Variants in DCC observed in about 807,000 individuals in gnomAD.
DCC encodes DCC netrin 1 receptor, also known as netrin receptor DCC.
In DCC, 58 loss-of-function variants were observed where a neutral mutation model predicts 172.5. The ratio of observed to expected loss-of-function variants is 0.34; its 90% CI spans 0.27 to 0.42. DCC has a LOEUF of 0.42. Ranked by LOEUF, DCC falls within the 10% of genes least tolerant of loss-of-function variation. DCC has a pLI of 1.00. For missense variants in DCC, 1,740 were observed against 1,791.0 expected (o/e 0.97, Z 0.51); for synonymous variants, 709 against 644.5 (o/e 1.10, Z -1.52).
chr18:52,353,322 A>T (rs1295893850), intron 1 of DCC, among the ~76,000 whole-genome samples: 1 of 152,060 alleles, frequency 6.6e-6, no homozygotes, highest in Non-Finnish European at 1.5e-5. Context: ...GCTGGTTTTC[A>T]TTCCATAGTT....
intron 1 of DCC, among the ~76,000 whole-genome samples, chr18:52,690,678 C>A (rs1466590221): frequency 6.6e-6 from 1 of 151,984 alleles, no homozygotes; most frequent in Non-Finnish European, 1.5e-5. Flanking sequence ...TTCAGAGAGA[C>A]CAAGTGGCGT....
rs58419994 is a variant in DCC at position 53,193,682 on chromosome 18, T to C, written c.1574-11534T>C. On this transcript the variant is annotated intron_variant, in intron 9 of 28. Coordinates refer to ENST00000442544, the MANE Select transcript of DCC (RefSeq NM_005215.4). ...CTTGGGCATCAAAGCATCCCGGAAC[T>C]CTGACTTCCGTGAAACCTACGTGTT... Among the ~76,000 whole-genome samples, 252 of 152,214 alleles carry C rather than the reference T, an allele frequency of 1.7e-3. 2 individuals are homozygous for C. Among genetic ancestry groups the C allele is most frequent in the African/African-American group, 6.0e-3 (248 of 41,536 alleles).
intron 21 of DCC, among the ~76,000 whole-genome samples, chr18:53,420,422 A>G (rs1910579505): frequency 1.3e-5 from 2 of 152,142 alleles, no homozygotes. Flanking sequence ...GGAAACAGGG[A>G]TGGTGATAAT....
chr18:52,883,448 C>T (rs1276074945), intron 2 of DCC, among the ~76,000 whole-genome samples: 2 of 139,846 alleles, frequency 1.4e-5, no homozygotes, highest in African/African-American at 5.5e-5. Context: ...GATATATTTT[C>T]TTTCTTTTTA....
chr18:53,173,250 C>G (rs1336603087), intron 8 of DCC, among the ~76,000 whole-genome samples: 1 of 152,080 alleles, frequency 6.6e-6, no homozygotes, highest in African/African-American at 2.4e-5. Flanking sequence ...GAATCTCATC[C>G]AGACCCCTAC....
At chr18:52,604,153 C>T (rs997489) in intron 1 of DCC, among the ~76,000 whole-genome samples, 3,020 of 152,094 alleles carry the variant, frequency 0.02, 102 homozygotes, top group East Asian at 0.09. Flanking sequence ...CTTTATGTAA[C>T]TCTGCTGTTC....
chr18:52,725,390 G>T (rs1490695374), intron 1 of DCC, among the ~76,000 whole-genome samples: 1 of 152,220 alleles, frequency 6.6e-6, no homozygotes. Flanking sequence ...TCAAGTTCTT[G>T]CAAGAATGTC....
chr18:53,288,180 C>G (rs965464757), intron 12 of DCC, among the ~76,000 whole-genome samples: 1 of 152,096 alleles, frequency 6.6e-6, no homozygotes, highest in African/African-American at 2.4e-5. Context: ...TTCAAGGTCT[C>G]TTTTTGACAA....
rs529029995 is a variant in DCC at position 52,768,258 on chromosome 18, T to G, written c.412+15884T>G. On this transcript the variant is annotated intron_variant, in intron 2 of 28. Coordinates refer to ENST00000442544, the MANE Select transcript of DCC (RefSeq NM_005215.4). ...TCTTACCTGGGGAACATGTGTTTCA[T>G]ATGTTTTAAAAATTACGAGTTTATC... Among the ~76,000 whole-genome samples the G allele has an allele frequency of 1.7e-4, 26 of 152,344 alleles. 1 individual carries two copies. In the South Asian group the frequency reaches 5.4e-3, roughly 32 times the overall value.
At chr18:52,635,601 A>G (rs2034760962) in intron 1 of DCC, among the ~76,000 whole-genome samples, 1 of 152,194 alleles carries the variant, frequency 6.6e-6, no homozygotes, top group South Asian at 2.1e-4. Flanking sequence ...TGGCTATTAC[A>G]CTTATAAATT....
At chr18:52,711,900 A>G (rs2036297942) in intron 1 of DCC, among the ~76,000 whole-genome samples, 1 of 152,030 alleles carries the variant, frequency 6.6e-6, no homozygotes, top group African/African-American at 2.4e-5. Flanking sequence ...ACCACTTTCT[A>G]TGTGTACATT....
intron 1 of DCC, among the ~76,000 whole-genome samples, chr18:52,403,734 A>G (rs1445869657): frequency 6.6e-6 from 1 of 152,004 alleles, no homozygotes; most frequent in Non-Finnish European, 1.5e-5. Context: ...TGTTCAAAGC[A>G]TAACCCTTCC....
intron 1 of DCC, among the ~76,000 whole-genome samples, chr18:52,701,372 G>T (rs538342906): frequency 5.3e-5 from 8 of 152,240 alleles, no homozygotes; most frequent in Non-Finnish European, 1.0e-4. Context: ...TTCTTTTCCT[G>T]TAAGCTCAAT....
intron 20 of DCC, among the ~76,000 whole-genome samples, chr18:53,411,615 G>C (rs952588098): frequency 6.6e-6 from 1 of 152,230 alleles, no homozygotes; most frequent in South Asian, 2.1e-4. Flanking sequence ...TCTAGGAAAG[G>C]TACCCTAGTA....
At chr18:52,938,998 G>T (rs752227756) in intron 5 of DCC, among the ~76,000 whole-genome samples, 4 of 152,072 alleles carry the variant, frequency 2.6e-5, no homozygotes, top group Non-Finnish European at 5.9e-5. Flanking sequence ...GTTAATCATG[G>T]GATGCACCTT....
At chr18:52,440,593 A>G (rs1041957559) in intron 1 of DCC, among the ~76,000 whole-genome samples, 3 of 152,186 alleles carry the variant, frequency 2.0e-5, no homozygotes. Context: ...ACACAATGGG[A>G]ACTCATCATT....
In DCC at chr18:52,689,898, T is replaced by C. The variant is rs139850712; in HGVS notation, c.92-62156T>C. On this transcript the variant is annotated intron_variant, in intron 1 of 28. Transcript: ENST00000442544. ...ACTCACATAAATGCTAGTGATTTGT[T>C]TGCATTTGCACTCCTGAGCACACTT... 4.7e-3 allele frequency among the ~76,000 whole-genome samples: 722 copies of C among 152,292 alleles called. 6 individuals carry two copies. The highest frequency in any genetic ancestry group is 8.3e-3 in the South Asian group (40 of 4,832).
At chr18:52,952,647 C>T (rs1652285724) in intron 5 of DCC, among the ~76,000 whole-genome samples, 1 of 152,098 alleles carries the variant, frequency 6.6e-6, no homozygotes, top group Admixed American at 6.6e-5. Flanking sequence ...TTTCCATAAA[C>T]AGAGCTAATT....
chr18:52,913,308 G>A (rs1298866067), intron 3 of DCC, among the ~76,000 whole-genome samples: 1 of 152,014 alleles, frequency 6.6e-6, no homozygotes, highest in Non-Finnish European at 1.5e-5. Flanking sequence ...GACTTACTGT[G>A]GATACATAGA....
Sources: gnomAD v4.1 joint callset for allele counts (sites outside exome capture counted in the v4.1 genomes callset) on GRCh38, gnomAD v4.1.1 for gene constraint, MANE v1.5 for transcripts, NCBI Gene and HGNC (gene_info 2026-07-23, HGNC 2026-07-21) for gene names.